UBE3C: variants seen among roughly 807,000 people sequenced by gnomAD.
The protein encoded by UBE3C is ubiquitin-protein ligase E3C.
Under a neutral mutation model 129.4 loss-of-function variants are expected in UBE3C, and 42 were observed. That is an observed-to-expected ratio of 0.32 (90% CI 0.25 to 0.42). The LOEUF is 0.42. Among genes scored for constraint, UBE3C ranks in the 10% least tolerant of loss-of-function variants. UBE3C has a pLI of 1.00. For synonymous variants in UBE3C, 510 were observed against 492.4 expected, an observed-to-expected ratio of 1.04 and a Z score of -0.47; for missense variants, 1,049 against 1,319.1, an observed-to-expected ratio of 0.80 and a Z score of 3.17.
chr7:157,254,013 G>C lies in UBE3C; in HGVS notation c.2754G>C (p.Ala918=), dbSNP rs150266636. 15 of 1,612,710 alleles carry C rather than the reference G, an allele frequency of 9.3e-6. No homozygotes were observed. Among genetic ancestry groups the C allele is most frequent in the African/African-American group, 1.3e-5 (1 of 74,840 alleles). Reference sequence around the variant, plus strand: ...CTGTCACCAGCGCCAACCGGATTGCGTACATCCACTTGGTGGCAGACTACA... The same window carrying C: ...CTGTCACCAGCGCCAACCGGATTGCCTACATCCACTTGGTGGCAGACTACA... ...DIPVTSANRI[A]YIHLVADYRL... The change falls in exon 20 of 23, where the codon GCG becomes GCC. Residue 918 remains alanine (A), a synonymous_variant. Transcript: ENST00000348165.
chr7:157,139,489 G>A, intron 1 of UBE3C, 151 bp downstream of exon 1: 2 of 732,850 alleles, frequency 2.7e-6, no homozygotes, highest in East Asian at 3.6e-5. Flanking sequence ...GGGCTTCCTC[G>A]CCGGATCTCG....
At chr7:157,208,493 T>G (rs1167546095) in intron 13 of UBE3C, among the ~76,000 whole-genome samples, 1 of 152,244 alleles carries the variant, frequency 6.6e-6, no homozygotes, top group Admixed American at 6.5e-5. Context: ...ACCATGTTTT[T>G]AAACCTTGTT....
chr7:157,178,040 A>G (rs1452628582), intron 5 of UBE3C, among the ~76,000 whole-genome samples: 3 of 151,988 alleles, frequency 2.0e-5, no homozygotes, highest in African/African-American at 4.8e-5. Context: ...GATAGAAAAA[A>G]GGATTGGGGT....
intron 18 of UBE3C, among the ~76,000 whole-genome samples, chr7:157,239,110 A>G (rs922219420): frequency 2.0e-4 from 31 of 152,256 alleles, no homozygotes; most frequent in Admixed American, 6.5e-5. Flanking sequence ...TATCCACATC[A>G]TATCACAAGA....
intron 7 of UBE3C, 55 bp downstream of exon 7, chr7:157,181,726 G>C (rs1364321453): frequency 2.2e-5 from 34 of 1,577,994 alleles, no homozygotes; most frequent in Non-Finnish European, 2.8e-5. Context: ...TATATCTGAT[G>C]GTAACTTTTA....
rs553648808 is a variant in UBE3C at position 157,252,256 on chromosome 7, C to T, written c.2695-1698C>T. Among the ~76,000 whole-genome samples the T allele has an allele frequency of 1.1e-4, 17 of 152,284 alleles. 1 individual carries two copies. The South Asian group carries it at 3.5e-3, about 32-fold the overall frequency. ...CTTTGTCTTCCAAATCATACAAGTA[C>T]ATCATCATTTATTACCTGCCTCTAA... On this transcript the variant is annotated intron_variant, in intron 19 of 22. Coordinates refer to ENST00000348165, the MANE Select transcript of UBE3C (RefSeq NM_014671.3).
intron 1 of UBE3C, among the ~76,000 whole-genome samples, chr7:157,147,697 T>TA (rs1807645542): frequency 6.6e-6 from 1 of 152,210 alleles, no homozygotes; most frequent in South Asian, 2.1e-4. Context: ...AGATATTCTT[T>TA]ATCAAATTGG....
At chr7:157,198,011 C>T (rs748595990) in intron 10 of UBE3C, 247 of 1,605,128 alleles carry the variant, frequency 1.5e-4, no homozygotes, top group Non-Finnish European at 2.0e-4. Context: ...CCTCCATATC[C>T]CAATTCACTT....
At position 157,231,111 on chromosome 7, in the gene UBE3C, C is replaced by G; in HGVS notation, c.2265C>G (p.His755Gln). Residue 755 changes from histidine (H) to glutamine (Q), a missense_variant, in exon 18 of 23, where the codon CAC (histidine) becomes CAG (glutamine). By Grantham distance (24) the His-to-Gln change is conservative. Transcript: ENST00000348165. ...EPDLKKRIRVHLLNAHGLDEA... is the reference protein window; with the variant it reads ...EPDLKKRIRVQLLNAHGLDEA... The stretch of plus-strand genomic sequence containing the variant: ...ATTTGAAAAAGCGGATCCGTGTGCA[C>G]TTGCTCAATGCCCATGGCCTGGATG... 1 of 1,614,030 alleles carries G rather than the reference C, an allele frequency of 6.2e-7. No individual in the cohort carries two copies. Among genetic ancestry groups the G allele is most frequent in the Non-Finnish European group, 8.5e-7 (1 of 1,180,026 alleles).
rs1797152160 is a variant in UBE3C, at chr7:157,268,945, T to G, written c.*1190T>G. On this transcript the variant is annotated 3_prime_UTR_variant, in exon 23 of 23. Transcript: ENST00000348165. ...TAAATCCTCATTTATCTCTTCTATG[T>G]CTCGTATTTTACTGTCACTGGAGGC... The G allele has an allele frequency of 6.6e-6, 1 of 152,644 alleles. No homozygotes were observed. The highest frequency in any genetic ancestry group is 1.5e-5 in the Non-Finnish European group (1 of 68,040). 9.5% of individuals were successfully genotyped at this position (152,644 alleles called of 1,614,324 possible). A position where few individuals can be genotyped will look rare whatever the true frequency, so the allele number is the denominator to read the frequency against.
chr7:157,208,137 C>T (rs755126653), intron 13 of UBE3C, among the ~76,000 whole-genome samples: 3 of 133,318 alleles, frequency 2.3e-5, no homozygotes, highest in African/African-American at 7.8e-5. Context: ...TGCAATGACA[C>T]CATCATACTC....
At position 157,196,883 on chromosome 7, in the gene UBE3C, C is replaced by A. The variant is rs368837864; in HGVS notation, c.1332-4838C>A. ...ACTCGGGAGGCTGAGGCAGGAGAAT[C>A]TCTTGAACCTGGGAGGTGGAGGTTG... is the stretch of plus-strand genomic sequence containing the variant. On this transcript the variant is annotated intron_variant, in intron 10 of 22. Transcript: ENST00000348165. 3.3e-5 allele frequency among the ~76,000 whole-genome samples: 5 copies of A among 152,146 alleles called. No homozygotes were observed. The East Asian group carries it at 7.7e-4, about 24-fold the overall frequency.
chr7:157,214,800 CTT>C (rs1809689502), intron 13 of UBE3C, among the ~76,000 whole-genome samples: 1 of 152,156 alleles, frequency 6.6e-6, no homozygotes, highest in South Asian at 2.1e-4. Context: ...AAATGAATGA[CTT>C]TCAAGAATTA....
chr7:157,216,854 T>C lies in UBE3C; in HGVS notation c.1810-13T>C. On this transcript the variant is annotated splice_polypyrimidine_tract_variant and intron_variant, in intron 13 of 22. Coordinates refer to ENST00000348165, the MANE Select transcript of UBE3C (RefSeq NM_014671.3). Reference sequence around the variant, plus strand: ...GCTCACGTGTGTGACGCGGATATGTTCTTTCTTTTCAGGTTATCACCAATC... The same window carrying C: ...GCTCACGTGTGTGACGCGGATATGTCCTTTCTTTTCAGGTTATCACCAATC... 1 of 1,608,086 alleles carries C rather than the reference T, an allele frequency of 6.2e-7. No homozygotes were observed. The highest frequency in any genetic ancestry group is 8.5e-7 in the Non-Finnish European group (1 of 1,174,678).
At chr7:157,169,911 C>G (rs375201873) in intron 3 of UBE3C, among the ~76,000 whole-genome samples, 1 of 151,678 alleles carries the variant, frequency 6.6e-6, no homozygotes, top group African/African-American at 2.4e-5. Context: ...CTCGAACTCC[C>G]GACCTCAGGT....
intron 22 of UBE3C, among the ~76,000 whole-genome samples, chr7:157,266,916 A>T (rs1262933107): frequency 6.6e-6 from 1 of 151,968 alleles, no homozygotes; most frequent in Non-Finnish European, 1.5e-5. Context: ...TTTGATTTTT[A>T]TTTTTAGTGG....
intron 1 of UBE3C, among the ~76,000 whole-genome samples, chr7:157,143,891 T>C (rs1807528167): frequency 6.6e-6 from 1 of 151,920 alleles, no homozygotes; most frequent in Non-Finnish European, 1.5e-5. Flanking sequence ...ACTGCAACAT[T>C]TAATATGTGT....
intron 22 of UBE3C, among the ~76,000 whole-genome samples, chr7:157,259,654 T>C (rs950330458): frequency 2.6e-5 from 4 of 152,166 alleles, no homozygotes; most frequent in African/African-American, 9.7e-5. Flanking sequence ...GTAATTCCAC[T>C]CGGATAAACT....
intron 13 of UBE3C, among the ~76,000 whole-genome samples, chr7:157,208,520 T>C (rs1809503505): frequency 1.3e-5 from 2 of 152,244 alleles, no homozygotes; most frequent in East Asian, 3.8e-4. Context: ...ATCTTTTCTA[T>C]GTGGCCCTAA....
Sources: gnomAD v4.1 joint callset for allele counts (sites outside exome capture counted in the v4.1 genomes callset) on GRCh38, gnomAD v4.1.1 for gene constraint, MANE v1.5 for transcripts, NCBI Gene and HGNC (gene_info 2026-07-23, HGNC 2026-07-21) for gene names.